The following TRAPPC9 variants were observed in gnomAD, a reference collection of about 807,000 sequenced individuals.
TRAPPC9 encodes IKK2 binding protein.
A neutral mutation model predicts 124.0 loss-of-function variants in TRAPPC9; 83 were observed. That is an observed-to-expected ratio of 0.67 (90% CI 0.56 to 0.80). The LOEUF (loss-of-function observed/expected upper bound fraction) is 0.80. Ranked by LOEUF, TRAPPC9 falls within the 30% of genes least tolerant of loss-of-function variation. The probability of loss-of-function intolerance (pLI) is 0.00; values close to 1 mark genes in which losing one functional copy is unlikely to be tolerated. For missense variants in TRAPPC9, 1,302 were observed against 1,508.3 expected, an observed-to-expected ratio of 0.86 and a Z score of 2.27; for synonymous variants, 638 against 617.5, an observed-to-expected ratio of 1.03 and a Z score of -0.49.
chr8:140,179,727 C>T (rs756553770), intron 17 of TRAPPC9, among the ~76,000 whole-genome samples: 1 of 152,042 alleles, frequency 6.6e-6, no homozygotes, highest in African/African-American at 2.4e-5. Flanking sequence ...CAGCTATTTG[C>T]TTCATGCATG....
Position 140,318,622 on chromosome 8 carries a change from C to T in TRAPPC9, c.1496-7248G>A, listed in dbSNP as rs540143929. Among the ~76,000 whole-genome samples, 111 of 152,320 alleles carry T rather than the reference C, an allele frequency of 7.3e-4. No homozygotes were observed. The South Asian group carries it at 7.5e-3, about 10-fold the overall frequency. On this transcript the variant is annotated intron_variant, in intron 9 of 22. Transcript: ENST00000438773. ...AATCCCACATATAAGTGAGAACATA[C>T]AGTATTTGTCTTTCTGTGTTTGGCT...
intron 16 of TRAPPC9, among the ~76,000 whole-genome samples, chr8:140,245,686 G>T (rs1254411245): frequency 6.6e-6 from 1 of 152,136 alleles, no homozygotes; most frequent in African/African-American, 2.4e-5. Flanking sequence ...CTGGAGTCTG[G>T]ACTGCCAACT....
chr8:139,819,852 A>T (rs1825128976), intron 21 of TRAPPC9, among the ~76,000 whole-genome samples: 1 of 151,890 alleles, frequency 6.6e-6, no homozygotes, highest in South Asian at 2.1e-4. Flanking sequence ...TCTCTACTAA[A>T]AATACAAAAA....
chr8:140,219,760 G>A (rs908839389), intron 17 of TRAPPC9, among the ~76,000 whole-genome samples: 10 of 152,192 alleles, frequency 6.6e-5, no homozygotes, highest in African/African-American at 1.7e-4. Context: ...GTCCCACAAC[G>A]CTGGAAACCT....
intron 19 of TRAPPC9, among the ~76,000 whole-genome samples, chr8:139,938,337 T>G (rs375005810): frequency 6.6e-6 from 1 of 152,104 alleles, no homozygotes; most frequent in African/African-American, 2.4e-5. Flanking sequence ...AGGGCTGGAG[T>G]GCAGTGGCGC....
At chr8:140,199,134 G>C (rs140659144) in intron 17 of TRAPPC9, among the ~76,000 whole-genome samples, 1 of 152,282 alleles carries the variant, frequency 6.6e-6, no homozygotes, top group Non-Finnish European at 1.5e-5. Flanking sequence ...GCTTCTCAAA[G>C]CACAGTACAA....
intron 7 of TRAPPC9, among the ~76,000 whole-genome samples, chr8:140,374,535 A>C (rs559366008): frequency 6.6e-5 from 10 of 151,834 alleles, no homozygotes; most frequent in African/African-American, 2.2e-4. Context: ...GTGCCATTAC[A>C]CTCCAGCCTG....
intron 17 of TRAPPC9, among the ~76,000 whole-genome samples, chr8:140,061,370 T>C (rs1183544573): frequency 6.6e-6 from 1 of 152,176 alleles, no homozygotes; most frequent in Admixed American, 6.5e-5. Context: ...CAAGAGCATT[T>C]CGTGAATACC....
intron 17 of TRAPPC9, among the ~76,000 whole-genome samples, chr8:140,185,525 C>T (rs1795110838): frequency 6.6e-6 from 1 of 152,198 alleles, no homozygotes. Context: ...TCTACCTACC[C>T]CAGGGTGTGG....
rs527426185 is a variant in TRAPPC9, at chr8:140,273,466, A to G, written c.2278+2192T>C. On this transcript the variant is annotated intron_variant, in intron 15 of 22. Transcript: ENST00000438773. ...TGCCACTAGTTCCCTTATCCTAGAG[A>G]CAGGCCGCCCGTGTTTTTGTTATTG... Among the ~76,000 whole-genome samples the G allele has an allele frequency of 2.4e-4, 37 of 152,176 alleles. No homozygotes were observed. The South Asian group carries it at 7.5e-3, about 31-fold the overall frequency.
intron 18 of TRAPPC9, among the ~76,000 whole-genome samples, chr8:139,999,101 G>A (rs1838228336): frequency 6.6e-6 from 1 of 151,888 alleles, no homozygotes; most frequent in Admixed American, 6.5e-5. Context: ...AAATACAATG[G>A]TAGACCTCAG....
At chr8:140,445,071 T>G (rs1013532051) in intron 2 of TRAPPC9, among the ~76,000 whole-genome samples, 1 of 152,136 alleles carries the variant, frequency 6.6e-6, no homozygotes, top group African/African-American at 2.4e-5. Flanking sequence ...AGCTCCGGAC[T>G]CACATCCGAT....
intron 19 of TRAPPC9, chr8:139,932,678 T>C: frequency 2.6e-6 from 1 of 382,426 alleles, no homozygotes; most frequent in Non-Finnish European, 5.2e-6. Context: ...GCACGAGAAT[T>C]GCCTGAACCC....
chr8:139,751,817 T>A (rs1010860817), intron 21 of TRAPPC9, among the ~76,000 whole-genome samples: 3 of 150,884 alleles, frequency 2.0e-5, no homozygotes, highest in African/African-American at 7.3e-5. Flanking sequence ...GGGTCTCCCA[T>A]CCACCATTCA....
At position 140,434,143 on chromosome 8, in the gene TRAPPC9, A is replaced by G. The variant is rs1262661725; in HGVS notation, c.859+969T>C. On this transcript the variant is annotated intron_variant, in intron 4 of 22. Coordinates refer to ENST00000438773, the MANE Select transcript of TRAPPC9 (RefSeq NM_001160372.4). Reference sequence around the variant, plus strand: ...TGGGAAACTTCTAGTGGGTATTTAGACCCAAGAAGATTCTGTATCCGTGCC... The same window carrying G: ...TGGGAAACTTCTAGTGGGTATTTAGGCCCAAGAAGATTCTGTATCCGTGCC... Among the ~76,000 whole-genome samples the G allele has an allele frequency of 2.0e-5, 3 of 152,108 alleles. No individual in the cohort carries two copies. In the East Asian group the frequency reaches 5.8e-4, roughly 29 times the overall value.
chr8:140,367,643 T>C (rs973098924), intron 8 of TRAPPC9, among the ~76,000 whole-genome samples: 1 of 152,118 alleles, frequency 6.6e-6, no homozygotes, highest in Non-Finnish European at 1.5e-5. Context: ...TATGATATCA[T>C]AATGGTGGAT....
chr8:140,292,343 AG>A (rs1294481255), intron 11 of TRAPPC9, among the ~76,000 whole-genome samples: 3 of 152,190 alleles, frequency 2.0e-5, no homozygotes, highest in African/African-American at 7.2e-5. Flanking sequence ...AAATTGGCCC[AG>A]GAACCACACA....
intron 5 of TRAPPC9, among the ~76,000 whole-genome samples, chr8:140,418,557 C>A (rs1432349989): frequency 2.0e-5 from 3 of 152,122 alleles, no homozygotes; most frequent in African/African-American, 7.2e-5. Context: ...CCTGTCTCTA[C>A]TAAAAATACA....
chr8:140,293,192 G>A (rs1361492597), intron 11 of TRAPPC9, among the ~76,000 whole-genome samples: 24 of 148,068 alleles, frequency 1.6e-4, no homozygotes, highest in South Asian at 4.3e-4. Context: ...TTAGAATGGC[G>A]ATCATTAAAA....
Sources: allele counts gnomAD v4.1 joint callset (sites outside exome capture counted in the v4.1 genomes callset), GRCh38; gene constraint gnomAD v4.1.1; transcripts MANE v1.5; gene names NCBI Gene and HGNC (gene_info 2026-07-23, HGNC 2026-07-21).